Variants in ARHGAP24 observed in about 807,000 individuals in gnomAD.
The protein encoded by ARHGAP24 is rho GTPase-activating protein 24.
Under a neutral mutation model 76.4 loss-of-function variants are expected in ARHGAP24, and 50 were observed. That is an observed-to-expected ratio of 0.65 (90% CI 0.52 to 0.83). The LOEUF is 0.83. Among genes scored for constraint, ARHGAP24 ranks in the 40% least tolerant of loss-of-function variants. ARHGAP24 has a pLI of 0.00. For synonymous variants in ARHGAP24, 345 were observed against 323.3 expected (o/e 1.07, Z -0.72); for missense variants, 930 against 914.2 (o/e 1.02, Z -0.22).
chr4:85,668,714 G>A (rs1022521804), intron 2 of ARHGAP24, among the ~76,000 whole-genome samples: 11 of 152,218 alleles, frequency 7.2e-5, no homozygotes, highest in South Asian at 4.2e-4. Context: ...GTATGCAGGC[G>A]GTTCTTCATG....
At position 86,002,147 on chromosome 4, in the gene ARHGAP24, T is replaced by C. The variant is rs962618774; in HGVS notation, c.*1425T>C. On this transcript the variant is annotated 3_prime_UTR_variant, in exon 10 of 10. Transcript: ENST00000395184. The stretch of plus-strand genomic sequence containing the variant: ...AAGTTACAAAAGGCATAATCGGAAA[T>C]AGAGACTACATACTTGAGTTTATGG... The C allele has an allele frequency of 3.9e-5, 6 of 152,220 alleles. No individual in the cohort carries two copies. The highest frequency in any genetic ancestry group is 1.2e-4 in the African/African-American group (5 of 41,456). 9.4% of individuals were successfully genotyped at this position (152,220 alleles called of 1,614,324 possible).
chr4:85,719,455 A>G (rs1453778489), intron 2 of ARHGAP24, among the ~76,000 whole-genome samples: 2 of 152,186 alleles, frequency 1.3e-5, no homozygotes, highest in African/African-American at 2.4e-5. Flanking sequence ...GTCTAAGCCC[A>G]GAAGGAGGGA....
At chr4:85,605,490 A>G (rs1201014411) in intron 2 of ARHGAP24, among the ~76,000 whole-genome samples, 2 of 152,212 alleles carry the variant, frequency 1.3e-5, no homozygotes, top group Non-Finnish European at 2.9e-5. Context: ...GTAAATAGGA[A>G]TAATAAAATA....
At chr4:85,854,160 A>G (rs1347846364) in intron 3 of ARHGAP24, among the ~76,000 whole-genome samples, 3 of 151,748 alleles carry the variant, frequency 2.0e-5, no homozygotes, top group Admixed American at 6.6e-5. Context: ...AAAAAAGAAA[A>G]AAAAGGAAAA....
intron 2 of ARHGAP24, 133 bp downstream of exon 2, chr4:85,570,854 T>C: frequency 2.0e-6 from 2 of 1,015,134 alleles, no homozygotes; most frequent in Non-Finnish European, 2.9e-6. Context: ...TCTTTCACCC[T>C]TTTACCCATT....
chr4:85,564,216 G>C lies in ARHGAP24; in HGVS notation c.-20-6306G>C, dbSNP rs572907131. ...AAAGATGTTGTTCTTGCGATAGTTT[G>C]CTGAGAATGATGGTTTCCAGCTTCA... On this transcript the variant is annotated intron_variant, in intron 1 of 9. Transcript: ENST00000395184. Among the ~76,000 whole-genome samples the C allele has an allele frequency of 2.6e-5, 4 of 152,230 alleles. No individual in the cohort carries two copies. The South Asian group carries it at 8.3e-4, about 32-fold the overall frequency.
At chr4:85,668,210 T>C (rs1447116340) in intron 2 of ARHGAP24, among the ~76,000 whole-genome samples, 4 of 152,230 alleles carry the variant, frequency 2.6e-5, no homozygotes, top group Admixed American at 6.5e-5. Flanking sequence ...GTTGGTTTAC[T>C]CTAATACTAT....
intron 2 of ARHGAP24, among the ~76,000 whole-genome samples, chr4:85,590,996 T>C (rs1360910988): frequency 6.7e-6 from 1 of 150,012 alleles, no homozygotes; most frequent in Non-Finnish European, 1.5e-5. Flanking sequence ...TTATAATGCC[T>C]TTCCCATGCA....
intron 3 of ARHGAP24, among the ~76,000 whole-genome samples, chr4:85,790,045 G>T (rs897474635): frequency 1.3e-5 from 2 of 152,046 alleles, no homozygotes; most frequent in African/African-American, 4.8e-5. Flanking sequence ...ATCACTTGAA[G>T]AACTTAAAAT....
intron 2 of ARHGAP24, among the ~76,000 whole-genome samples, chr4:85,658,047 GC>G (rs1186067580): frequency 2.0e-5 from 3 of 152,194 alleles, no homozygotes; most frequent in African/African-American, 7.2e-5. Context: ...CAGCCATTGT[GC>G]CCGGCCTCCA....
chr4:85,560,866 T>C (rs1350085194), intron 1 of ARHGAP24, among the ~76,000 whole-genome samples: 1 of 152,232 alleles, frequency 6.6e-6, no homozygotes, highest in East Asian at 1.9e-4. Flanking sequence ...ATGATGTCCT[T>C]GCATTTGTGT....
At chr4:85,693,044 G>C (rs1443890423) in intron 2 of ARHGAP24, among the ~76,000 whole-genome samples, 1 of 152,216 alleles carries the variant, frequency 6.6e-6, no homozygotes, top group African/African-American at 2.4e-5. Context: ...CTTGCCCATT[G>C]TTTCACAGGG....
At chr4:85,946,989 A>C (rs1737306803) in intron 5 of ARHGAP24, among the ~76,000 whole-genome samples, 1 of 152,096 alleles carries the variant, frequency 6.6e-6, no homozygotes, top group South Asian at 2.1e-4. Context: ...CCTCACCAAC[A>C]TCTGTTATTT....
At chr4:85,717,340 T>A in intron 2 of ARHGAP24, among the ~76,000 whole-genome samples, 1 of 152,152 alleles carries the variant, frequency 6.6e-6, no homozygotes, top group Non-Finnish European at 1.5e-5. Context: ...CCATTTCTAC[T>A]GCCAACACGT....
At chr4:85,660,554 T>C (rs1041602475) in intron 2 of ARHGAP24, among the ~76,000 whole-genome samples, 2 of 143,770 alleles carry the variant, frequency 1.4e-5, no homozygotes, top group Non-Finnish European at 2.9e-5. Flanking sequence ...TCCCAGCACT[T>C]TGGGAGGCTG....
chr4:85,569,970 T>C (rs1727015823), intron 1 of ARHGAP24, among the ~76,000 whole-genome samples: 1 of 152,234 alleles, frequency 6.6e-6, no homozygotes, highest in Admixed American at 6.5e-5. Context: ...TATGTTTTAG[T>C]TTGTTTATAG....
rs776868304 is a variant in ARHGAP24, at chr4:86,000,551, A to G, written c.2076A>G (p.Lys692=). ...SLHDELDQER[K]KFTMIEIKMR... ...ATGATGAACTGGATCAGGAGAGGAA[A>G]AAGTTCACAATGATAGAAATAAAAA... is the stretch of plus-strand genomic sequence containing the variant. The change falls in exon 10 of 10, where the codon AAA becomes AAG. Residue 692 remains lysine, a synonymous_variant. Transcript: ENST00000395184. The G allele has an allele frequency of 1.2e-6, 2 of 1,611,682 alleles. No individual in the cohort carries two copies. The highest frequency in any genetic ancestry group is 1.7e-6 in the Non-Finnish European group (2 of 1,179,088).
intron 1 of ARHGAP24, among the ~76,000 whole-genome samples, chr4:85,485,954 G>A (rs1723034648): frequency 6.6e-6 from 1 of 152,052 alleles, no homozygotes; most frequent in East Asian, 1.9e-4. Flanking sequence ...GGCCAGGCTG[G>A]TCTTGAACTC....
intron 3 of ARHGAP24, among the ~76,000 whole-genome samples, chr4:85,894,217 G>T (rs2148782342): frequency 6.6e-6 from 1 of 152,160 alleles, no homozygotes; most frequent in East Asian, 1.9e-4. Context: ...ACATCTGGAT[G>T]GCAAAAGAGA....
Sources: gnomAD v4.1 joint callset for allele counts (sites outside exome capture counted in the v4.1 genomes callset) on GRCh38, gnomAD v4.1.1 for gene constraint, MANE v1.5 for transcripts, NCBI Gene and HGNC (gene_info 2026-07-23, HGNC 2026-07-21) for gene names.